Variants in WDR25 observed in about 807,000 individuals in gnomAD.
WDR25 encodes WD repeat-containing protein 25.
In WDR25, 35 loss-of-function variants were observed where a neutral mutation model predicts 47.7. The observed-to-expected ratio is 0.73, with a 90% confidence interval of 0.56 to 0.97. The LOEUF (loss-of-function observed/expected upper bound fraction) is 0.97, where lower values mean the gene tolerates loss of function less well. Ranked by LOEUF, WDR25 falls within the 50% of genes least tolerant of loss-of-function variation. WDR25 has a pLI of 0.00. For missense variants in WDR25, 634 were observed against 704.7 expected, an observed-to-expected ratio of 0.90 and a Z score of 1.14; for synonymous variants, 248 against 278.9, an observed-to-expected ratio of 0.89 and a Z score of 1.10.
chr14:100,472,618 G>A (rs1194446900), intron 3 of WDR25, among the ~76,000 whole-genome samples: 1 of 152,224 alleles, frequency 6.6e-6, no homozygotes, highest in Non-Finnish European at 1.5e-5. Context: ...GCCACTTTTC[G>A]ATCATCATCC....
At chr14:100,481,540 G>A (rs185159812) in intron 3 of WDR25, among the ~76,000 whole-genome samples, 13 of 150,796 alleles carry the variant, frequency 8.6e-5, no homozygotes, top group African/African-American at 3.2e-4. Context: ...GGCTTTGACT[G>A]TCTCGGGTGT....
At chr14:100,384,438 G>A (rs1184758389) in intron 2 of WDR25, among the ~76,000 whole-genome samples, 3 of 152,256 alleles carry the variant, frequency 2.0e-5, no homozygotes, top group Non-Finnish European at 4.4e-5. Context: ...CGGGGAGCCA[G>A]GCAGGAGCTG....
intron 4 of WDR25, among the ~76,000 whole-genome samples, chr14:100,521,271 A>G (rs1335259983): frequency 6.6e-6 from 1 of 152,148 alleles, no homozygotes; most frequent in Non-Finnish European, 1.5e-5. Flanking sequence ...AAAACCTAAA[A>G]TATTTACTGA....
chr14:100,429,858 T>C (rs1302714812), intron 2 of WDR25, among the ~76,000 whole-genome samples: 1 of 152,086 alleles, frequency 6.6e-6, no homozygotes, highest in African/African-American at 2.4e-5. Context: ...AGGGCTCTTA[T>C]GTCTCTTCCT....
intron 4 of WDR25, among the ~76,000 whole-genome samples, chr14:100,515,309 G>A (rs759153496): frequency 3.3e-5 from 5 of 152,024 alleles, no homozygotes; most frequent in South Asian, 2.1e-4. Context: ...ATTTTTGCTC[G>A]TAGTTTTTTC....
intron 2 of WDR25, among the ~76,000 whole-genome samples, chr14:100,388,033 C>T (rs1246559392): frequency 6.6e-6 from 1 of 152,178 alleles, no homozygotes; most frequent in African/African-American, 2.4e-5. Context: ...ATTTATGGCT[C>T]TAAGTGCCAG....
rs373031276 is a variant in WDR25 at position 100,419,882 on chromosome 14, C to T, written c.822+38136C>T. Among the ~76,000 whole-genome samples, 15 of 152,320 alleles carry T rather than the reference C, an allele frequency of 9.8e-5. No individual in the cohort carries two copies. The East Asian group carries it at 1.2e-3, about 12-fold the overall frequency. On this transcript the variant is annotated intron_variant, in intron 2 of 6. Transcript: ENST00000402312. ...CCCTGTATTAAATCCCCAGAGAACACGCACATTTGAAATTAATGGGAAATT... is the reference window on the plus strand; with the variant it reads ...CCCTGTATTAAATCCCCAGAGAACATGCACATTTGAAATTAATGGGAAATT...
intron 2 of WDR25, among the ~76,000 whole-genome samples, chr14:100,442,022 G>C (rs868386692): frequency 3.0e-4 from 45 of 152,226 alleles, no homozygotes; most frequent in African/African-American, 1.0e-3. Flanking sequence ...GCTCCCAAGG[G>C]CTTCCTTTCA....
Position 100,380,933 on chromosome 14 carries a change from A to G in WDR25, c.9A>G (p.Ala3=). ...AGGTGGTTTGGCTTTGAATGACAGC[A>G]AGAACTCTGTCTTTAATGGCTTCAT... The part of the protein sequence containing the change: MT[A]RTLSLMASLV... Residue 3 remains alanine (A), a synonymous_variant, in exon 2 of 7, where the codon GCA becomes GCG. Coordinates refer to ENST00000402312, the MANE Select transcript of WDR25 (RefSeq NM_001161476.3). The G allele has an allele frequency of 2.5e-6, 4 of 1,611,862 alleles. No homozygotes were observed. Among genetic ancestry groups the G allele is most frequent in the Non-Finnish European group, 3.4e-6 (4 of 1,178,026 alleles).
chr14:100,516,237 C>T (rs1305350311), intron 4 of WDR25, among the ~76,000 whole-genome samples: 1 of 152,104 alleles, frequency 6.6e-6, no homozygotes, highest in Non-Finnish European at 1.5e-5. Context: ...CCAATTTTGC[C>T]TCATTTCTGA....
chr14:100,508,442 C>T (rs921253820), intron 4 of WDR25, among the ~76,000 whole-genome samples: 2 of 152,068 alleles, frequency 1.3e-5, no homozygotes, highest in Admixed American at 6.5e-5. Context: ...AGGCAAGATA[C>T]AGGACTCTTT....
chr14:100,416,958 C>T (rs1897886475), intron 2 of WDR25, among the ~76,000 whole-genome samples: 2 of 152,212 alleles, frequency 1.3e-5, no homozygotes, highest in Admixed American at 1.3e-4. Context: ...AAACCTTGGT[C>T]TGGAAGGCCC....
intron 2 of WDR25, among the ~76,000 whole-genome samples, chr14:100,393,052 G>A (rs574043452): frequency 6.6e-6 from 1 of 152,366 alleles, no homozygotes; most frequent in African/African-American, 2.4e-5. Context: ...TTCCCTTGAA[G>A]CCCCAAGGGG....
intron 3 of WDR25, among the ~76,000 whole-genome samples, chr14:100,472,851 C>T (rs1899889731): frequency 6.6e-6 from 1 of 152,230 alleles, no homozygotes; most frequent in East Asian, 1.9e-4. Flanking sequence ...CTCTCCAGAG[C>T]CCCAGGCACT....
chr14:100,530,214 T>C lies in WDR25; in HGVS notation c.*173T>C. The C allele has an allele frequency of 7.4e-6, 5 of 679,862 alleles. No homozygotes were observed. Among genetic ancestry groups the C allele is most frequent in the South Asian group, 1.9e-5 (1 of 51,352 alleles). 42.1% of individuals were successfully genotyped at this position (679,862 alleles called of 1,614,324 possible). ...GAGAAAAGTCTGTTTGCCTCAGGAG[T>C]GTGAGGACTACACTAGTGAAAGCGC... On this transcript the variant is annotated 3_prime_UTR_variant, in exon 7 of 7. Transcript: ENST00000402312.
At chr14:100,510,783 T>G (rs1433330763) in intron 4 of WDR25, among the ~76,000 whole-genome samples, 1 of 138,686 alleles carries the variant, frequency 7.2e-6, no homozygotes, top group Admixed American at 6.8e-5. Flanking sequence ...TTTTTTTTTT[T>G]GTAGAGACAG....
intron 4 of WDR25, among the ~76,000 whole-genome samples, chr14:100,510,665 G>A (rs1212249199): frequency 6.6e-6 from 1 of 151,848 alleles, no homozygotes; most frequent in Non-Finnish European, 1.5e-5. Context: ...GAACCCGGGA[G>A]CCGGAGGTTG....
At chr14:100,522,166 C>A (rs1220416338) in intron 4 of WDR25, among the ~76,000 whole-genome samples, 1 of 152,076 alleles carries the variant, frequency 6.6e-6, no homozygotes, top group Non-Finnish European at 1.5e-5. Flanking sequence ...GTAAATATTT[C>A]TCCTACTTGT....
chr14:100,494,295 TTCTA>T (rs1466949420), intron 4 of WDR25, among the ~76,000 whole-genome samples: 4 of 152,258 alleles, frequency 2.6e-5, no homozygotes, highest in African/African-American at 9.6e-5. Flanking sequence ...TTCTTAGAAT[TTCTA>T]TCTGTTTGCT....
Sources: allele counts gnomAD v4.1 joint callset (sites outside exome capture counted in the v4.1 genomes callset), GRCh38; gene constraint gnomAD v4.1.1; transcripts MANE v1.5; gene names NCBI Gene and HGNC (gene_info 2026-07-23, HGNC 2026-07-21).